The following DDX46 variants were observed in gnomAD, a reference collection of about 807,000 sequenced individuals.
The protein encoded by DDX46 is DEAD-box helicase 46.
In DDX46, 30 loss-of-function variants were observed where a neutral mutation model predicts 134.9. That is an observed-to-expected ratio of 0.22 (90% CI 0.17 to 0.30). The LOEUF (loss-of-function observed/expected upper bound fraction) is 0.30. Ranked by LOEUF, DDX46 falls within the 10% of genes least tolerant of loss-of-function variation. The pLI is 1.00. For missense variants in DDX46, 622 were observed against 1,248.7 expected, an observed-to-expected ratio of 0.50 and a Z score of 7.56; for synonymous variants, 415 against 404.1, an observed-to-expected ratio of 1.03 and a Z score of -0.32.
chr5:134,769,660 C>A (rs951697022), intron 3 of DDX46, among the ~76,000 whole-genome samples: 1 of 151,712 alleles, frequency 6.6e-6, no homozygotes, highest in African/African-American at 2.4e-5. Flanking sequence ...CCTGCCTCGG[C>A]CTCCCACCCC....
intron 13 of DDX46, 52 bp from the exon 14 acceptor site, chr5:134,794,798 G>A: frequency 1.9e-6 from 3 of 1,599,768 alleles, no homozygotes; most frequent in East Asian, 2.2e-5. Flanking sequence ...CATTGCATAA[G>A]CTTTGAAGAC....
At chr5:134,809,775 G>A (rs1419989688) in intron 16 of DDX46, among the ~76,000 whole-genome samples, 8 of 152,034 alleles carry the variant, frequency 5.3e-5, no homozygotes, top group South Asian at 2.1e-4. Flanking sequence ...TTGGGAGGCC[G>A]AGGCGGGCGG....
At chr5:134,766,267 G>A (rs368366954) in intron 2 of DDX46, among the ~76,000 whole-genome samples, 6 of 152,124 alleles carry the variant, frequency 3.9e-5, no homozygotes, top group East Asian at 1.9e-4. Context: ...TATGAAATTA[G>A]TATTCTCTGG....
chr5:134,771,070 CCTCTT>C, intron 4 of DDX46, 71 bp downstream of exon 4: 2 of 639,414 alleles, frequency 3.1e-6, no homozygotes, highest in South Asian at 4.1e-5. Context: ...TCTTTCTTTC[CCTCTT>C]TCTTTCTTTC....
chr5:134,819,288 G>A (rs1385473755), intron 21 of DDX46, among the ~76,000 whole-genome samples: 1 of 152,182 alleles, frequency 6.6e-6, no homozygotes, highest in Admixed American at 6.5e-5. Context: ...CTTCTAGTAA[G>A]TGGAATATTC....
At chr5:134,826,478 G>A (rs1364074394) in intron 21 of DDX46, 1 of 152,300 alleles carries the variant, frequency 6.6e-6, no homozygotes, top group African/African-American at 2.4e-5. Flanking sequence ...TACTCTTATG[G>A]TATCTTTCCT....
Position 134,782,983 on chromosome 5 carries a change from G to A in DDX46, c.1084G>A (p.Val362Ile). 1 of 1,613,850 alleles carries A rather than the reference G, an allele frequency of 6.2e-7. No homozygotes were observed. ...TCGATTGGAAATGGAGGGCATTACA[G>A]TTAAAGGAAAAGGTTGCCCCAAACC... The part of the protein sequence containing the change: ...VFRLEMEGIT[V>I]KGKGCPKPIK... Residue 362 changes from valine to isoleucine, a missense_variant, in exon 9 of 23, where the codon GTT (valine) becomes ATT (isoleucine). Physicochemically the swap from Val to Ile is conservative, Grantham distance 29. Transcript: ENST00000452510.
intron 6 of DDX46, 111 bp downstream of exon 6, chr5:134,777,836 C>A: frequency 7.7e-7 from 1 of 1,305,812 alleles, no homozygotes; most frequent in Non-Finnish European, 1.0e-6. Context: ...AGTTTTCTTT[C>A]TCCTCATCTG....
At chr5:134,785,165 TC>T (rs921943073) in intron 10 of DDX46, among the ~76,000 whole-genome samples, 18 of 152,216 alleles carry the variant, frequency 1.2e-4, no homozygotes, top group Admixed American at 4.6e-4. Context: ...TTTTCTTTGT[TC>T]TGTGATTTGC....
intron 16 of DDX46, 48 bp downstream of exon 16, chr5:134,807,989 G>A (rs1755036767): frequency 4.0e-6 from 6 of 1,499,700 alleles, no homozygotes; most frequent in East Asian, 2.3e-5. Flanking sequence ...TAAAATACAG[G>A]TGTTTCTTTA....
At chr5:134,803,716 A>G (rs1377567834) in intron 15 of DDX46, among the ~76,000 whole-genome samples, 27 of 152,016 alleles carry the variant, frequency 1.8e-4, no homozygotes, top group Admixed American at 1.7e-3. Flanking sequence ...CCCAGAGTTC[A>G]TGGTTGTTAC....
chr5:134,792,798 C>T (rs1285521160), intron 13 of DDX46, among the ~76,000 whole-genome samples: 1 of 152,116 alleles, frequency 6.6e-6, no homozygotes. Context: ...CATGTATGTG[C>T]GTATGTACAT....
chr5:134,767,067 T>C lies in DDX46; in HGVS notation c.350+7T>C. 1.9e-6 allele frequency: 3 copies of C among 1,611,010 alleles called. No individual in the cohort carries two copies. Among genetic ancestry groups the C allele is most frequent in the African/African-American group, 1.3e-5 (1 of 74,588 alleles). ...GCAAGAAAACTGAGAATAGGTAATG[T>C]TATCATTGGGCTGCATCTATAGTGC... On this transcript the variant is annotated splice_region_variant and intron_variant, in intron 3 of 22. Coordinates refer to ENST00000452510, the MANE Select transcript of DDX46 (RefSeq NM_001300860.2).
At chr5:134,798,912 G>A (rs918401373) in intron 15 of DDX46, among the ~76,000 whole-genome samples, 4 of 152,142 alleles carry the variant, frequency 2.6e-5, no homozygotes, top group East Asian at 1.9e-4. Flanking sequence ...AAATTTGTCC[G>A]TCCTGAACAT....
In DDX46 at chr5:134,828,710, T is replaced by C; in HGVS notation, c.*4T>C. On this transcript the variant is annotated 3_prime_UTR_variant, in exon 23 of 23. Coordinates refer to ENST00000452510, the MANE Select transcript of DDX46 (RefSeq NM_001300860.2). ...AGGAAGATACAAAGTCTTATAGACA[T>C]CCGGAAAAAAGATTTTTACCTGTGC... 6.6e-7 allele frequency: 1 copy of C among 1,504,024 alleles called. No individual in the cohort carries two copies. The allele number at this position is 1,504,024 out of a possible 1,614,324, so 93.2% of individuals were successfully genotyped here. A position where few individuals can be genotyped will look rare whatever the true frequency, so the allele number is the denominator to read the frequency against.
At chr5:134,766,548 C>CT (rs1753573172) in intron 2 of DDX46, among the ~76,000 whole-genome samples, 1 of 145,138 alleles carries the variant, frequency 6.9e-6, no homozygotes. Flanking sequence ...GAGCAAAACT[C>CT]TGTCTCCAAA....
chr5:134,809,732 G>T (rs1755087353), intron 16 of DDX46, among the ~76,000 whole-genome samples: 1 of 152,004 alleles, frequency 6.6e-6, no homozygotes, highest in African/African-American at 2.4e-5. Context: ...CAGTTGGCCG[G>T]GCGCGGTGGC....
intron 15 of DDX46, among the ~76,000 whole-genome samples, chr5:134,796,785 G>A (rs141839618): frequency 0.013 from 1,903 of 150,664 alleles, 38 homozygotes; most frequent in African/African-American, 0.044. Context: ...CCTGGGAGGC[G>A]GAGGTTGCTG....
At position 134,762,820 on chromosome 5, in the gene DDX46, G is replaced by A. The variant is rs149887040; in HGVS notation, c.18-1084G>A. On this transcript the variant is annotated intron_variant, in intron 1 of 22. Coordinates refer to ENST00000452510, the MANE Select transcript of DDX46 (RefSeq NM_001300860.2). ...GCCTGTAATCCCAGCACTTTGGGAG[G>A]CTGAGGCAGGTGGATCACGAGGTCA... Among the ~76,000 whole-genome samples, 1,297 of 152,312 alleles carry A rather than the reference G, an allele frequency of 8.5e-3. 6 individuals carry two copies. The highest frequency in any genetic ancestry group is 0.041 in the Middle Eastern group (12 of 294).
Sources: gnomAD v4.1 joint callset for allele counts (sites outside exome capture counted in the v4.1 genomes callset) on GRCh38, gnomAD v4.1.1 for gene constraint, MANE v1.5 for transcripts, NCBI Gene and HGNC (gene_info 2026-07-23, HGNC 2026-07-21) for gene names.